Variants in VAV1 observed in about 807,000 individuals in gnomAD.
VAV1 encodes vav guanine nucleotide exchange factor 1, also known as proto-oncogene vav.
VAV1 carries 33 observed loss-of-function variants against 128.1 expected under a neutral mutation model. That is an observed-to-expected ratio of 0.26 (90% CI 0.20 to 0.34). The LOEUF (loss-of-function observed/expected upper bound fraction) is 0.34. Ranked by LOEUF, VAV1 falls within the 10% of genes least tolerant of loss-of-function variation. The pLI is 1.00. For synonymous variants in VAV1, 394 were observed against 409.8 expected (o/e 0.96, Z 0.47); for missense variants, 715 against 1,093.7 (o/e 0.65, Z 4.88).
chr19:6,830,516 T>C (rs1433531679), intron 14 of VAV1, among the ~76,000 whole-genome samples: 1 of 149,768 alleles, frequency 6.7e-6, no homozygotes, highest in Non-Finnish European at 1.5e-5. Flanking sequence ...CTTGGCTCAC[T>C]GCAACCTCTG....
chr19:6,831,217 C>T (rs1018170015), intron 14 of VAV1, among the ~76,000 whole-genome samples: 9 of 152,158 alleles, frequency 5.9e-5, no homozygotes, highest in South Asian at 2.1e-4. Context: ...CTCTCCCTCT[C>T]GGCTCTTCCT....
Position 6,822,070 on chromosome 19 carries a change from T to C in VAV1, c.450-151T>C, listed in dbSNP as rs975096983. On this transcript the variant is annotated intron_variant, in intron 4 of 26. Transcript: ENST00000602142. This position sits in a 1 kb window ranked among gnomAD's most constrained non-coding sequence, Gnocchi z 5.9. ...CCTGGGGTCTTGGGGGACATGGCCCTGCCCTGGAGCTTGGAGGGACATGGC... is the reference window on the plus strand; with the variant it reads ...CCTGGGGTCTTGGGGGACATGGCCCCGCCCTGGAGCTTGGAGGGACATGGC... The C allele has an allele frequency of 7.1e-6, 7 of 981,322 alleles. 1 individual carries two copies. The highest frequency in any genetic ancestry group is 1.1e-5 in the Non-Finnish European group (7 of 654,192). 60.8% of individuals were successfully genotyped at this position (981,322 alleles called of 1,614,324 possible). A position where few individuals can be genotyped will look rare whatever the true frequency, so the allele number is the denominator to read the frequency against.
chr19:6,819,823 C>T (rs989125463), intron 1 of VAV1, among the ~76,000 whole-genome samples: 1 of 152,096 alleles, frequency 6.6e-6, no homozygotes, highest in African/African-American at 2.4e-5. Context: ...CCTGTTGGGA[C>T]GTTGGATGAG....
intron 20 of VAV1, 130 bp downstream of exon 20, chr19:6,836,698 G>A: frequency 7.1e-7 from 1 of 1,405,306 alleles, no homozygotes. Context: ...GGGGTAGGTA[G>A]ACTGAGACTT....
In VAV1 at chr19:6,822,719, AT is replaced by A. The variant is rs1282800561; in HGVS notation, c.654+206del. Among the ~76,000 whole-genome samples the A allele has an allele frequency of 6.7e-6, 1 of 148,824 alleles. No individual in the cohort carries two copies. Among genetic ancestry groups the A allele is most frequent in the African/African-American group, 2.4e-5 (1 of 40,964 alleles). ...GTCTGACGTATATATATATTAAAAAATATATATAAAATATAGGACACTGCCT... is the reference window on the plus strand; with the variant it reads ...GTCTGACGTATATATATATTAAAAAAATATATAAAATATAGGACACTGCCT... On this transcript the variant is annotated intron_variant, in intron 6 of 26. Transcript: ENST00000602142. This position sits in a 1 kb window ranked among gnomAD's most constrained non-coding sequence, Gnocchi z 5.9.
chr19:6,821,927 G>A, intron 4 of VAV1, 68 bp downstream of exon 4: 4 of 1,594,586 alleles, frequency 2.5e-6, no homozygotes, highest in Middle Eastern at 1.7e-4. Flanking sequence ...GGTGTGGGGG[G>A]ACATGGCCTT....
intron 1 of VAV1, among the ~76,000 whole-genome samples, chr19:6,782,837 C>T (rs2607466): frequency 0.22 from 32,799 of 150,700 alleles, 3,661 homozygotes; most frequent in African/African-American, 0.25. Context: ...AGCTATAGAT[C>T]GCGCCGCTGC....
chr19:6,840,033 A>G (rs556244939), intron 21 of VAV1, among the ~76,000 whole-genome samples: 1 of 152,170 alleles, frequency 6.6e-6, no homozygotes, highest in East Asian at 1.9e-4. Context: ...GGCATTAAGT[A>G]CATTCACAGT....
rs1162550973 is a variant in VAV1, at chr19:6,822,025, C to T, written c.449+166C>T. On this transcript the variant is annotated intron_variant, in intron 4 of 26. Transcript: ENST00000602142. This position sits in a 1 kb window ranked among gnomAD's most constrained non-coding sequence, Gnocchi z 5.9. ...GGGAGACACAGCCCTGCCCTGGGGT[C>T]TTGGGGGACATGGCACTGTCCTGGG... Among the ~76,000 whole-genome samples, 2 of 151,218 alleles carry T rather than the reference C, an allele frequency of 1.3e-5. No individual in the cohort carries two copies. The highest frequency in any genetic ancestry group is 3.0e-5 in the Non-Finnish European group (2 of 67,568).
chr19:6,855,840 T>G (rs1972785326), intron 26 of VAV1, among the ~76,000 whole-genome samples: 1 of 150,498 alleles, frequency 6.6e-6, no homozygotes. Context: ...TATCTATCTA[T>G]CTATCCATTC....
chr19:6,780,782 C>A (rs1478115899), intron 1 of VAV1, among the ~76,000 whole-genome samples: 1 of 150,352 alleles, frequency 6.7e-6, no homozygotes, highest in African/African-American at 2.4e-5. Context: ...CCATGTTGAC[C>A]AGGCTGGTCT....
intron 1 of VAV1, among the ~76,000 whole-genome samples, chr19:6,805,913 A>C (rs1318988787): frequency 2.0e-5 from 3 of 152,082 alleles, no homozygotes; most frequent in Non-Finnish European, 4.4e-5. Context: ...AGTGTCTTGG[A>C]TGCTAAAGGG....
At chr19:6,831,288 T>A (rs938883221) in intron 14 of VAV1, among the ~76,000 whole-genome samples, 18 of 152,022 alleles carry the variant, frequency 1.2e-4, no homozygotes, top group African/African-American at 4.3e-4. Flanking sequence ...TGCCCTGGAG[T>A]TCCCCCTGTG....
At position 6,779,838 on chromosome 19, in the gene VAV1, A is replaced by G. The variant is rs577707388; in HGVS notation, c.204+6827A>G. Among the ~76,000 whole-genome samples the G allele has an allele frequency of 7.4e-4, 110 of 147,930 alleles. 1 individual carries two copies. The highest frequency in any genetic ancestry group is 3.6e-3 in the Middle Eastern group (1 of 278). ...TCTAAAAAATAATAAAAGGCCGGGC[A>G]CGGTGACTCACACCTGTAATTCCAG... On this transcript the variant is annotated intron_variant, in intron 1 of 26. Coordinates refer to ENST00000602142, the MANE Select transcript of VAV1 (RefSeq NM_005428.4).
intron 1 of VAV1, among the ~76,000 whole-genome samples, chr19:6,807,331 C>T (rs1185800963): frequency 6.6e-6 from 1 of 151,732 alleles, no homozygotes; most frequent in Non-Finnish European, 1.5e-5. Context: ...GAGACAGTGG[C>T]AGATCATCAG....
At chr19:6,782,134 A>C (rs1345117945) in intron 1 of VAV1, among the ~76,000 whole-genome samples, 2 of 152,060 alleles carry the variant, frequency 1.3e-5, no homozygotes, top group Non-Finnish European at 2.9e-5. Context: ...GTTCAAGACC[A>C]GCCTGTCCAA....
At chr19:6,817,887 C>T (rs536881263) in intron 1 of VAV1, among the ~76,000 whole-genome samples, 22 of 152,158 alleles carry the variant, frequency 1.4e-4, no homozygotes, top group East Asian at 9.6e-4. Flanking sequence ...GGGATTTCAC[C>T]GTGTTAGCCA....
At chr19:6,842,322 T>G (rs1031476702) in intron 21 of VAV1, among the ~76,000 whole-genome samples, 6 of 152,128 alleles carry the variant, frequency 3.9e-5, no homozygotes, top group Non-Finnish European at 2.9e-5. Context: ...GTTGGTAAAC[T>G]TTTTCTGTAA....
At chr19:6,832,773 C>T (rs1315447904) in intron 15 of VAV1, among the ~76,000 whole-genome samples, 2 of 151,756 alleles carry the variant, frequency 1.3e-5, no homozygotes, top group African/African-American at 2.4e-5. Context: ...CCACTTTTGT[C>T]TTCTCTTTCT....
Sources: allele counts gnomAD v4.1 joint callset (sites outside exome capture counted in the v4.1 genomes callset), GRCh38; gene constraint gnomAD v4.1.1; non-coding constraint Gnocchi (gnomAD v3.1); transcripts MANE v1.5; gene names NCBI Gene and HGNC (gene_info 2026-07-23, HGNC 2026-07-21).